Variants in CNIH3 observed in about 807,000 individuals in gnomAD.
The protein encoded by CNIH3 is protein cornichon homolog 3.
CNIH3 carries 14 observed loss-of-function variants against 24.1 expected under a neutral mutation model. That is an observed-to-expected ratio of 0.58 (90% CI 0.38 to 0.91). The LOEUF is 0.91. Among genes scored for constraint, CNIH3 ranks in the 40% least tolerant of loss-of-function variants. CNIH3 has a pLI of 0.00. For synonymous variants in CNIH3, 68 were observed against 73.8 expected (o/e 0.92, Z 0.40); for missense variants, 178 against 196.8 (o/e 0.90, Z 0.57).
chr1:224,675,223 G>A (rs569121809), intron 1 of CNIH3, among the ~76,000 whole-genome samples: 10 of 152,298 alleles, frequency 6.6e-5, no homozygotes, highest in African/African-American at 2.4e-4. Context: ...TGACAACTTC[G>A]ATGAAATGGG....
chr1:224,459,416 C>T (rs1352286443), intron 1 of CNIH3, among the ~76,000 whole-genome samples: 2 of 152,198 alleles, frequency 1.3e-5, no homozygotes, highest in African/African-American at 4.8e-5. Context: ...ACGTGACCCT[C>T]AGCGATATCC....
intron 5 of CNIH3, among the ~76,000 whole-genome samples, chr1:224,585,570 T>C (rs563996989): frequency 1.2e-4 from 18 of 152,080 alleles, no homozygotes; most frequent in African/African-American, 3.4e-4. Flanking sequence ...TCTTGAACTC[T>C]TGGGCTCAAG....
At chr1:224,591,180 A>G (rs975877031), downstream of CNIH3, among the ~76,000 whole-genome samples, 2 of 152,312 alleles carry the variant, frequency 1.3e-5, no homozygotes, top group South Asian at 2.1e-4. Context: ...ACTGCTTCAC[A>G]TATCTGAATT....
chr1:224,487,174 G>A (rs1677062519), intron 1 of CNIH3, among the ~76,000 whole-genome samples: 1 of 152,164 alleles, frequency 6.6e-6, no homozygotes, highest in South Asian at 2.1e-4. Context: ...ATAGTTTCAG[G>A]CTTTGTGCCT....
At chr1:224,585,381 T>A (rs927580263) in intron 5 of CNIH3, among the ~76,000 whole-genome samples, 1 of 152,152 alleles carries the variant, frequency 6.6e-6, no homozygotes, top group African/African-American at 2.4e-5. Flanking sequence ...TAGGACATAG[T>A]CTCTTCAAGG....
chr1:224,695,753 C>T (rs1164850836), intron 3 of CNIH3, among the ~76,000 whole-genome samples: 1 of 152,216 alleles, frequency 6.6e-6, no homozygotes, highest in East Asian at 1.9e-4. Flanking sequence ...GCTCAGGCTC[C>T]CCTGTAGTCT....
At chr1:224,645,611 A>T (rs547989094) in intron 1 of CNIH3, among the ~76,000 whole-genome samples, 2 of 152,178 alleles carry the variant, frequency 1.3e-5, no homozygotes, top group African/African-American at 4.8e-5. Flanking sequence ...CCCTGTTCCA[A>T]TTCAGGGTAA....
intron 1 of CNIH3, among the ~76,000 whole-genome samples, chr1:224,657,347 G>A (rs1283573174): frequency 1.3e-5 from 2 of 151,714 alleles, no homozygotes; most frequent in African/African-American, 4.8e-5. Context: ...TGCATACAAA[G>A]CATATATTAA....
chr1:224,480,129 G>A (rs368181142), intron 1 of CNIH3, among the ~76,000 whole-genome samples: 15 of 152,142 alleles, frequency 9.9e-5, no homozygotes, highest in East Asian at 5.8e-4. Flanking sequence ...TGACTTCTGC[G>A]CACCCGTAGG....
chr1:224,508,118 A>G (rs1201045825), intron 1 of CNIH3, among the ~76,000 whole-genome samples: 2 of 152,228 alleles, frequency 1.3e-5, no homozygotes, highest in Non-Finnish European at 2.9e-5. Flanking sequence ...CTACTCCTGA[A>G]ATGTATTTGG....
intron 1 of CNIH3, among the ~76,000 whole-genome samples, chr1:224,449,851 C>T (rs567970739): frequency 7.9e-5 from 12 of 152,256 alleles, no homozygotes; most frequent in African/African-American, 2.4e-4. Flanking sequence ...ACCTGTGGCT[C>T]CAGTCACACC....
upstream of CNIH3, among the ~76,000 whole-genome samples, chr1:224,512,221 T>C (rs1371678157): frequency 6.7e-6 from 1 of 149,864 alleles, no homozygotes; most frequent in East Asian, 1.9e-4. Flanking sequence ...TGGTGGCTCA[T>C]GCCTGTGATC....
intron 3 of CNIH3, among the ~76,000 whole-genome samples, chr1:224,689,026 C>T (rs190540925): frequency 1.4e-4 from 21 of 152,146 alleles, no homozygotes; most frequent in African/African-American, 4.6e-4. Flanking sequence ...TTCTTCAGTC[C>T]GATTTTCTTC....
intron 2 of CNIH3, among the ~76,000 whole-genome samples, chr1:224,530,123 G>A (rs1049691757): frequency 6.6e-6 from 1 of 152,234 alleles, no homozygotes; most frequent in Non-Finnish European, 1.5e-5. Context: ...CCTGGGCAAA[G>A]CTTCACCAAA....
intron 1 of CNIH3, chr1:224,454,409 G>C (rs2102971126): frequency 1.4e-6 from 1 of 734,860 alleles, no homozygotes; most frequent in East Asian, 1.3e-4. Flanking sequence ...ACCATCCAGA[G>C]AGCAGGAGAA....
At chr1:224,527,982 C>T (rs1451354812) in intron 2 of CNIH3, among the ~76,000 whole-genome samples, 1 of 152,168 alleles carries the variant, frequency 6.6e-6, no homozygotes, top group African/African-American at 2.4e-5. Context: ...AAATCCTGGG[C>T]TGGGTGCAGT....
chr1:224,551,862 C>T (rs1395081540), intron 3 of CNIH3, among the ~76,000 whole-genome samples: 1 of 150,264 alleles, frequency 6.7e-6, no homozygotes. Flanking sequence ...TCTGTGTACA[C>T]CCACAGTTGT....
At chr1:224,645,748 A>G (rs1341737802) in intron 1 of CNIH3, among the ~76,000 whole-genome samples, 1 of 152,168 alleles carries the variant, frequency 6.6e-6, no homozygotes, top group Non-Finnish European at 1.5e-5. Context: ...AGCTCCAGTC[A>G]TTTCCACCAC....
chr1:224,712,480 T>C (rs537196010), intron 3 of CNIH3, among the ~76,000 whole-genome samples: 4 of 152,292 alleles, frequency 2.6e-5, no homozygotes, highest in Middle Eastern at 3.4e-3. Context: ...CCTGGCAGGA[T>C]ATCTGGCTCT....
Sources: gnomAD v4.1 joint callset for allele counts (sites outside exome capture counted in the v4.1 genomes callset) on GRCh38, gnomAD v4.1.1 for gene constraint, MANE v1.5 for transcripts, NCBI Gene and HGNC (gene_info 2026-07-23, HGNC 2026-07-21) for gene names.